The following STC1 variants were observed in gnomAD, a reference collection of about 807,000 sequenced individuals.
STC1 encodes stanniocalcin 1, also known as stanniocalcin-1.
Under a neutral mutation model 22.6 loss-of-function variants are expected in STC1, and 7 were observed. The observed-to-expected ratio is 0.31, with a 90% CI of 0.18 to 0.58. The LOEUF is 0.58. Among genes scored for constraint, STC1 ranks in the 20% least tolerant of loss-of-function variants. The pLI is 0.89. For missense variants in STC1, 224 were observed against 311.0 expected (o/e 0.72, Z 2.10); for synonymous variants, 113 against 120.7 (o/e 0.94, Z 0.42).
Position 23,854,735 on chromosome 8 carries a change from T to TGCTGCTGCCACCGCC in STC1, c.-227_-213dup. ...CTGCTGCTGCTGCCGCCGCTGCTGC[T>TGCTGCTGCCACCGCC]GCTGCTGCCACCGCCGCTGCTGCTG... On this transcript the variant is annotated 5_prime_UTR_variant, in exon 1 of 4. Coordinates refer to ENST00000290271, the MANE Select transcript of STC1 (RefSeq NM_003155.3). The TGCTGCTGCCACCGCC allele has an allele frequency of 1.5e-6, 1 of 660,098 alleles. No homozygotes were observed. The highest frequency in any genetic ancestry group is 2.8e-6 in the Non-Finnish European group (1 of 356,198). The allele number at this position is 660,098 out of a possible 1,614,324, so 40.9% of individuals were successfully genotyped here.
chr8:23,853,905 G>T, intron 1 of STC1: 1 of 557,224 alleles, frequency 1.8e-6, no homozygotes, highest in Non-Finnish European at 2.3e-6. Context: ...GGATTTGTCA[G>T]ACTTGAGGGC....
chr8:23,854,556 T>TG lies in STC1; in HGVS notation c.-34_-33insC. ...GAAGTTTCCGCTAAGTTGTTGGGTT[T>TG]TTTTTTTTTCCTGCCCCCCTTTCCT... is the stretch of plus-strand genomic sequence containing the variant. On this transcript the variant is annotated 5_prime_UTR_variant, in exon 1 of 4. Coordinates refer to ENST00000290271, the MANE Select transcript of STC1 (RefSeq NM_003155.3). The TG allele has an allele frequency of 6.3e-7, 1 of 1,580,730 alleles. No individual in the cohort carries two copies. Among genetic ancestry groups the TG allele is most frequent in the Non-Finnish European group, 8.7e-7 (1 of 1,151,654 alleles).
chr8:23,851,187 C>T, intron 3 of STC1, 133 bp downstream of exon 3: 2 of 874,168 alleles, frequency 2.3e-6, no homozygotes, highest in Non-Finnish European at 3.6e-6. Flanking sequence ...TTTTTTCCTG[C>T]AAAAGCTGGG....
chr8:23,854,732 T>A lies in STC1; in HGVS notation c.-209A>T. 1.5e-6 allele frequency: 1 copy of A among 658,546 alleles called. No homozygotes were observed. 40.8% of individuals were successfully genotyped at this position (658,546 alleles called of 1,614,324 possible). A position where few individuals can be genotyped will look rare whatever the true frequency, so the allele number is the denominator to read the frequency against. ...CTGCTGCTGCTGCTGCCGCCGCTGC[T>A]GCTGCTGCTGCCACCGCCGCTGCTG... On this transcript the variant is annotated 5_prime_UTR_variant, in exon 1 of 4. Transcript: ENST00000290271.
At chr8:23,853,716 A>C (rs924298762) in intron 1 of STC1, among the ~76,000 whole-genome samples, 1 of 152,208 alleles carries the variant, frequency 6.6e-6, no homozygotes, top group Non-Finnish European at 1.5e-5. Flanking sequence ...TCCAAGAGTC[A>C]AGACGAAAGT....
chr8:23,854,540 G>T lies in STC1; in HGVS notation c.-17C>A, dbSNP rs200528839. 56 of 1,597,336 alleles carry T rather than the reference G, an allele frequency of 3.5e-5. No homozygotes were observed. In the Admixed American group the frequency reaches 9.2e-4, roughly 26 times the overall value. On this transcript the variant is annotated 5_prime_UTR_variant, in exon 1 of 4. Transcript: ENST00000290271. ...TTGGAGCATTCTCTGAGAAGTTTCC[G>T]CTAAGTTGTTGGGTTTTTTTTTTTT...
At chr8:23,848,057 C>G (rs1802593301) in intron 3 of STC1, among the ~76,000 whole-genome samples, 1 of 152,178 alleles carries the variant, frequency 6.6e-6, no homozygotes, top group African/African-American at 2.4e-5. Flanking sequence ...ACTCTCTGAG[C>G]CTTTATTCTT....
chr8:23,845,388 T>C (rs1802560253), intron 3 of STC1, among the ~76,000 whole-genome samples: 1 of 152,078 alleles, frequency 6.6e-6, no homozygotes, highest in Admixed American at 6.5e-5. Context: ...GGTGACTAGT[T>C]CAACTCTCAT....
At chr8:23,848,633 C>T (rs1429433161) in intron 3 of STC1, among the ~76,000 whole-genome samples, 1 of 146,932 alleles carries the variant, frequency 6.8e-6, no homozygotes, top group African/African-American at 2.5e-5. Context: ...ACTAAGTGTT[C>T]TGATCACCCA....
At chr8:23,854,264 T>C in intron 1 of STC1, 142 bp downstream of exon 1, 1 of 929,378 alleles carries the variant, frequency 1.1e-6, no homozygotes, top group Non-Finnish European at 1.6e-6. Flanking sequence ...CTAAGGCTAT[T>C]GGATTACACT....
At position 23,850,858 on chromosome 8, in the gene STC1, T is replaced by G. The variant is rs372264936; in HGVS notation, c.473+462A>C. On this transcript the variant is annotated intron_variant, in intron 3 of 3. Coordinates refer to ENST00000290271, the MANE Select transcript of STC1 (RefSeq NM_003155.3). ...TGAAATCTCTGACTGTGTTTGGGAC[T>G]GATTTGAAATAGATGGAGACTTAAA... Among the ~76,000 whole-genome samples, 257 of 151,578 alleles carry G rather than the reference T, an allele frequency of 1.7e-3. 1 individual carries two copies. Among genetic ancestry groups the G allele is most frequent in the African/African-American group, 6.1e-3 (250 of 41,292 alleles).
chr8:23,852,056 C>T (rs112267758), intron 2 of STC1, among the ~76,000 whole-genome samples, 186 bp downstream of exon 2: 1 of 147,334 alleles, frequency 6.8e-6, no homozygotes, highest in Non-Finnish European at 1.5e-5. Flanking sequence ...ATGAGTGCCT[C>T]TGTGTGTGTG....
In STC1 at chr8:23,842,340, G is replaced by A. The variant is rs1422497381; in HGVS notation, c.*2430C>T. 6.6e-6 allele frequency: 1 copy of A among 152,366 alleles called. No individual in the cohort carries two copies. Among genetic ancestry groups the A allele is most frequent in the Admixed American group, 6.6e-5 (1 of 15,236 alleles). 9.4% of individuals were successfully genotyped at this position (152,366 alleles called of 1,614,324 possible). A position where few individuals can be genotyped will look rare whatever the true frequency, so the allele number is the denominator to read the frequency against. On this transcript the variant is annotated 3_prime_UTR_variant, in exon 4 of 4. Coordinates refer to ENST00000290271, the MANE Select transcript of STC1 (RefSeq NM_003155.3). ...GTTTAAGGGGGAATTGGAGGGAGTA[G>A]GGTGGGGGAAAGAGAAGCAAAAAAC...
chr8:23,851,451 G>T lies in STC1; in HGVS notation c.342C>A (p.Cys114Ter), dbSNP rs769220738. The change falls in exon 3 of 4, where the codon TGC becomes TGA. Residue 114 changes from cysteine (C) to a stop codon, truncating the protein, a stop_gained. Coordinates refer to ENST00000290271, the MANE Select transcript of STC1 (RefSeq NM_003155.3). LOFTEE classifies it high-confidence loss of function. ...TSKVFLAIRR[C>*]STFQRMIAEV... ...CAGCAATCATCCTTTGGAAAGTGGA[G>T]CACCTCCGAATGGCGAGGAAGACCT... is the stretch of plus-strand genomic sequence containing the variant. 1 of 1,614,058 alleles carries T rather than the reference G, an allele frequency of 6.2e-7. No homozygotes were observed. The highest frequency in any genetic ancestry group is 1.7e-5 in the Admixed American group (1 of 60,000).
chr8:23,848,554 A>AAAG (rs1199428448), intron 3 of STC1, among the ~76,000 whole-genome samples: 1,471 of 139,208 alleles, frequency 0.011, 24 homozygotes, highest in East Asian at 0.019. Context: ...AAAAAAAAAA[A>AAAG]AAGAAGAAGA....
chr8:23,851,385 G>A lies in STC1; in HGVS notation c.408C>T (p.Ser136=). 3 of 1,614,160 alleles carry A rather than the reference G, an allele frequency of 1.9e-6. No individual in the cohort carries two copies. The South Asian group carries it at 3.3e-5, about 18-fold the overall frequency. The change falls in exon 3 of 4, where the codon AGC becomes AGT. Residue 136 remains serine, a synonymous_variant. Coordinates refer to ENST00000290271, the MANE Select transcript of STC1 (RefSeq NM_003155.3). ...TGGCTTCAGGGTTCCGCTTGGCGAT[G>A]CTGCACACATTCAGCTTGCTGTAGC... ...EECYSKLNVC[S]IAKRNPEAIT...
chr8:23,845,812 A>G (rs1301001307), intron 3 of STC1, among the ~76,000 whole-genome samples: 5 of 152,210 alleles, frequency 3.3e-5, no homozygotes, highest in South Asian at 2.1e-4. Flanking sequence ...TCATGCTACT[A>G]TAATTCATGA....
chr8:23,845,443 A>G (rs1802561018), intron 3 of STC1, among the ~76,000 whole-genome samples: 1 of 152,132 alleles, frequency 6.6e-6, no homozygotes, highest in Non-Finnish European at 1.5e-5. Context: ...GCAAATTAGA[A>G]TGAAGTGAGT....
intron 3 of STC1, among the ~76,000 whole-genome samples, chr8:23,846,189 A>G (rs1802571255): frequency 6.6e-6 from 1 of 152,158 alleles, no homozygotes; most frequent in African/African-American, 2.4e-5. Context: ...TCATCTTTGC[A>G]GCGAATTCTT....
Sources: allele counts gnomAD v4.1 joint callset (sites outside exome capture counted in the v4.1 genomes callset), GRCh38; gene constraint gnomAD v4.1.1; transcripts MANE v1.5; gene names NCBI Gene and HGNC (gene_info 2026-07-23, HGNC 2026-07-21).